The following AXDND1 variants were observed in gnomAD, a reference collection of about 807,000 sequenced individuals.
The protein encoded by AXDND1 is axonemal dynein light chain domain containing 1.
AXDND1 carries 110 observed loss-of-function variants against 137.5 expected under a neutral mutation model. The ratio of observed to expected loss-of-function variants is 0.80; its 90% CI spans 0.69 to 0.94. AXDND1 has a LOEUF of 0.94. AXDND1 is among the 40% of genes least tolerant of loss of function. The probability of loss-of-function intolerance (pLI) is 0.00; values close to 1 mark genes in which losing one functional copy is unlikely to be tolerated. For synonymous variants in AXDND1, 414 were observed against 399.7 expected (o/e 1.04, Z -0.43); for missense variants, 1,191 against 1,169.8 (o/e 1.02, Z -0.26).
At chr1:179,427,509 A>G (rs777276906) in intron 12 of AXDND1, among the ~76,000 whole-genome samples, 4 of 152,232 alleles carry the variant, frequency 2.6e-5, no homozygotes, top group South Asian at 2.1e-4. Context: ...GTTCCTGCCC[A>G]TAAAACTTCA....
chr1:179,527,926 A>G (rs1310758328), intron 22 of AXDND1, among the ~76,000 whole-genome samples: 2 of 152,076 alleles, frequency 1.3e-5, no homozygotes, highest in African/African-American at 4.8e-5. Context: ...TTTAAATATC[A>G]CTTTCTCTGT....
intron 16 of AXDND1, among the ~76,000 whole-genome samples, chr1:179,459,772 CTT>C (rs1661976180): frequency 9.6e-6 from 1 of 104,352 alleles, no homozygotes; most frequent in Non-Finnish European, 2.1e-5. Context: ...TTTCTCTTTT[CTT>C]TTTCTTTATT....
At position 179,533,819 on chromosome 1, in the gene AXDND1, T is replaced by G; in HGVS notation, c.2740T>G (p.Leu914Val). ...SWRESAKQGT[L>V]AQKYLEAMAV... ...GAGAGAGTCAGCTAAGCAAGGTACA[T>G]TGGCCCAAAAATATCTTGAAGCAAT... is the stretch of plus-strand genomic sequence containing the variant. The change falls in exon 24 of 26, where the codon TTG (leucine) becomes GTG (valine). Residue 914 changes from leucine to valine, a missense_variant. By Grantham distance (32) the Leu-to-Val change is conservative. Coordinates refer to ENST00000367618, the MANE Select transcript of AXDND1 (RefSeq NM_144696.6). 6.2e-7 allele frequency: 1 copy of G among 1,613,192 alleles called. No individual in the cohort carries two copies.
chr1:179,427,106 G>C (rs980701267), intron 12 of AXDND1, among the ~76,000 whole-genome samples: 1 of 152,214 alleles, frequency 6.6e-6, no homozygotes, highest in Non-Finnish European at 1.5e-5. Context: ...AGAGGTTGCA[G>C]TAAGCCGAAA....
chr1:179,401,438 C>T (rs1445625001), intron 11 of AXDND1, among the ~76,000 whole-genome samples: 1 of 152,038 alleles, frequency 6.6e-6, no homozygotes, highest in Admixed American at 6.6e-5. Flanking sequence ...TTTAATACAG[C>T]CTATTCCTGT....
At chr1:179,514,261 A>G (rs1669311817) in intron 21 of AXDND1, among the ~76,000 whole-genome samples, 1 of 152,076 alleles carries the variant, frequency 6.6e-6, no homozygotes, top group South Asian at 2.1e-4. Flanking sequence ...AGGTTTTGAT[A>G]GGTAGTGTCA....
intron 21 of AXDND1, among the ~76,000 whole-genome samples, chr1:179,520,854 CTG>C (rs1163283125): frequency 6.7e-6 from 1 of 148,272 alleles, no homozygotes; most frequent in Non-Finnish European, 1.5e-5. Flanking sequence ...TAACTAGTAA[CTG>C]TATATATATA....
chr1:179,508,763 A>C (rs1468735879), intron 20 of AXDND1, among the ~76,000 whole-genome samples: 1 of 152,078 alleles, frequency 6.6e-6, no homozygotes. Flanking sequence ...GAATCCAAGC[A>C]TCATACTTAA....
chr1:179,385,816 G>A (rs1445661002), intron 9 of AXDND1, among the ~76,000 whole-genome samples: 1 of 152,158 alleles, frequency 6.6e-6, no homozygotes, highest in Non-Finnish European at 1.5e-5. Flanking sequence ...ATTTCACTGG[G>A]CATTCCATAA....
At chr1:179,427,275 CT>C (rs1571787178) in intron 12 of AXDND1, among the ~76,000 whole-genome samples, 1 of 152,026 alleles carries the variant, frequency 6.6e-6, no homozygotes, top group Admixed American at 6.6e-5. Flanking sequence ...AAGACATTAC[CT>C]TTGGTTAGTT....
intron 18 of AXDND1, among the ~76,000 whole-genome samples, chr1:179,488,073 A>G (rs1666293245): frequency 6.8e-6 from 1 of 146,200 alleles, no homozygotes; most frequent in Non-Finnish European, 1.5e-5. Flanking sequence ...TTAACTAGTA[A>G]TTTTTTCCAT....
At chr1:179,460,043 CTTTA>C (rs1011743688) in intron 16 of AXDND1, among the ~76,000 whole-genome samples, 2 of 115,006 alleles carry the variant, frequency 1.7e-5, no homozygotes, top group Non-Finnish European at 3.7e-5. Flanking sequence ...CTTTTATTTT[CTTTA>C]TTATTATTCT....
chr1:179,413,906 T>G (rs1280122644), intron 12 of AXDND1, among the ~76,000 whole-genome samples: 2 of 149,408 alleles, frequency 1.3e-5, no homozygotes, highest in Admixed American at 1.3e-4. Flanking sequence ...TCAACATCTG[T>G]TTTTTTTTTA....
intron 4 of AXDND1, among the ~76,000 whole-genome samples, chr1:179,377,098 A>AT (rs1647394961): frequency 6.6e-6 from 1 of 151,976 alleles, no homozygotes; most frequent in Non-Finnish European, 1.5e-5. Context: ...CGCCCGGCTA[A>AT]TTTTTGTATT....
intron 21 of AXDND1, among the ~76,000 whole-genome samples, chr1:179,517,895 A>G (rs1558294816): frequency 6.6e-6 from 1 of 152,198 alleles, no homozygotes; most frequent in African/African-American, 2.4e-5. Flanking sequence ...TTCTGGAGCT[A>G]AAATTTCTCA....
intron 9 of AXDND1, among the ~76,000 whole-genome samples, chr1:179,393,257 G>A (rs1278871295): frequency 6.6e-6 from 1 of 152,108 alleles, no homozygotes; most frequent in Non-Finnish European, 1.5e-5. Context: ...TGTATGCTTT[G>A]TTGCAGATCA....
chr1:179,449,838 TTTG>T (rs1288429374), intron 16 of AXDND1: 1 of 152,102 alleles, frequency 6.6e-6, no homozygotes, highest in Non-Finnish European at 1.5e-5. Context: ...TAGAATTGAT[TTTG>T]TATATTGATC....
At chr1:179,533,525 A>C (rs968032474) in intron 23 of AXDND1, among the ~76,000 whole-genome samples, 1 of 151,186 alleles carries the variant, frequency 6.6e-6, no homozygotes, top group African/African-American at 2.4e-5. Flanking sequence ...TTTTGTTGTT[A>C]CTGTTTCCCC....
At chr1:179,474,051 C>T (rs1664300334) in intron 17 of AXDND1, among the ~76,000 whole-genome samples, 1 of 151,938 alleles carries the variant, frequency 6.6e-6, no homozygotes, top group South Asian at 2.1e-4. Flanking sequence ...TGGTGAAACC[C>T]CCGTCTCTAC....
Sources: gnomAD v4.1 joint callset for allele counts (sites outside exome capture counted in the v4.1 genomes callset) on GRCh38, gnomAD v4.1.1 for gene constraint, MANE v1.5 for transcripts, NCBI Gene and HGNC (gene_info 2026-07-23, HGNC 2026-07-21) for gene names.